The following MFHAS1 variants were observed in gnomAD, a reference collection of about 807,000 sequenced individuals.
MFHAS1 encodes multifunctional ROCO family signaling regulator 1.
Under a neutral mutation model 70.4 loss-of-function variants are expected in MFHAS1, and 50 were observed. That is an observed-to-expected ratio of 0.71 (90% CI 0.57 to 0.90). MFHAS1 has a LOEUF of 0.90. Among genes scored for constraint, MFHAS1 ranks in the 40% least tolerant of loss-of-function variants. The probability of loss-of-function intolerance (pLI) is 0.00; values close to 1 mark genes in which losing one functional copy is unlikely to be tolerated. For missense variants in MFHAS1, 1,795 were observed against 1,347.6 expected (o/e 1.33, Z -5.20); for synonymous variants, 952 against 620.0 (o/e 1.54, Z -7.96).
intron 1 of MFHAS1, among the ~76,000 whole-genome samples, chr8:8,839,881 C>T (rs1585045249): frequency 2.0e-5 from 3 of 152,100 alleles, no homozygotes; most frequent in African/African-American, 7.2e-5. Context: ...CATGCCTGGA[C>T]TGTCTCAGAT....
At chr8:8,859,276 G>A (rs560082579) in intron 1 of MFHAS1, among the ~76,000 whole-genome samples, 2 of 152,316 alleles carry the variant, frequency 1.3e-5, no homozygotes, top group South Asian at 4.1e-4. Context: ...CCCAGGAGGT[G>A]GAAGTTGTAG....
intron 1 of MFHAS1, among the ~76,000 whole-genome samples, chr8:8,853,772 G>A (rs1427792166): frequency 1.3e-5 from 2 of 152,070 alleles, no homozygotes; most frequent in African/African-American, 4.8e-5. Context: ...CACTATGTTG[G>A]GCAGGCTAGT....
chr8:8,883,707 CAAAA>C (rs35799658), intron 1 of MFHAS1, among the ~76,000 whole-genome samples: 1 of 29,588 alleles, frequency 3.4e-5, no homozygotes, highest in Non-Finnish European at 6.2e-5. Context: ...GACTCAGTCT[CAAAA>C]AAAAAAAAAA....
intron 2 of MFHAS1, among the ~76,000 whole-genome samples, chr8:8,787,268 GAT>G (rs1805582315): frequency 6.6e-6 from 1 of 152,066 alleles, no homozygotes; most frequent in East Asian, 1.9e-4. Flanking sequence ...TTTTAGTAGA[GAT>G]GGGGTTTCAC....
At chr8:8,852,976 T>C (rs1031285290) in intron 1 of MFHAS1, among the ~76,000 whole-genome samples, 4 of 152,188 alleles carry the variant, frequency 2.6e-5, no homozygotes, top group Non-Finnish European at 5.9e-5. Context: ...GAGTCCTACT[T>C]TGTGGCTGGG....
intron 1 of MFHAS1, among the ~76,000 whole-genome samples, chr8:8,875,372 T>C (rs1020963366): frequency 2.0e-5 from 3 of 152,254 alleles, no homozygotes; most frequent in Non-Finnish European, 4.4e-5. Flanking sequence ...TGTACTATTA[T>C]GCAAGCATTT....
Position 8,890,745 on chromosome 8 carries a change from G to C in MFHAS1, c.2314C>G (p.Arg772Gly), listed in dbSNP as rs777896379. The C allele has an allele frequency of 6.2e-7, 1 of 1,613,650 alleles. No individual in the cohort carries two copies. The highest frequency in any genetic ancestry group is 1.7e-5 in the Admixed American group (1 of 60,006). ...AEGESSPPMA[R>G]STPSQELLRA... ...AGCAGTTCCTGGCTGGGGGTGGACC[G>C]CGCCATGGGCGGGGAGCTTTCCCCC... Residue 772 changes from arginine (R) to glycine (G), a missense_variant, in exon 1 of 3, where the codon CGG (arginine) becomes GGG (glycine). Transcript: ENST00000276282.
chr8:8,874,842 T>C (rs1420866077), intron 1 of MFHAS1, among the ~76,000 whole-genome samples: 1 of 151,220 alleles, frequency 6.6e-6, no homozygotes, highest in Admixed American at 6.6e-5. Flanking sequence ...GCCTTAAGTA[T>C]GATAGACAAA....
intron 1 of MFHAS1, among the ~76,000 whole-genome samples, chr8:8,812,900 G>T (rs868344585): frequency 6.6e-6 from 1 of 152,134 alleles, no homozygotes; most frequent in South Asian, 2.1e-4. Flanking sequence ...CTGAGTAGCT[G>T]GGGTTACAGG....
At position 8,878,456 on chromosome 8, in the gene MFHAS1, A is replaced by C. The variant is rs114239046; in HGVS notation, c.2998+11605T>G. 7.0e-3 allele frequency among the ~76,000 whole-genome samples: 1,059 copies of C among 152,306 alleles called. 17 individuals are homozygous for C. The highest frequency in any genetic ancestry group is 0.025 in the African/African-American group (1,020 of 41,558). On this transcript the variant is annotated intron_variant, in intron 1 of 2. Transcript: ENST00000276282. ...TTAGCACTGTCTCTGCAACATGAGA[A>C]AACGTCAACATTGTCACCTCTTCTA... is the stretch of plus-strand genomic sequence containing the variant.
At chr8:8,786,575 A>C (rs1157378138) in intron 2 of MFHAS1, among the ~76,000 whole-genome samples, 1 of 152,236 alleles carries the variant, frequency 6.6e-6, no homozygotes, top group Non-Finnish European at 1.5e-5. Flanking sequence ...TAGAATGAAT[A>C]AACTACTGCA....
At position 8,797,428 on chromosome 8, in the gene MFHAS1, C is replaced by G; in HGVS notation, c.3062G>C (p.Ser1021Thr). ...AACCAAGGCAACATTTACTCGCTCG[C>G]TGCCGTTCTTGGGGCAAATGATCTC... Reference protein sequence around the residue: ...VAEIICPKNGSERVNVALVYP... With the variant: ...VAEIICPKNGTERVNVALVYP... Residue 1021 changes from serine (S) to threonine (T), a missense_variant, in exon 2 of 3, where the codon AGC becomes ACC. Physicochemically the swap from Ser to Thr is moderately conservative, Grantham distance 58 (BLOSUM62 1). Coordinates refer to ENST00000276282, the MANE Select transcript of MFHAS1 (RefSeq NM_004225.3). 6.2e-7 allele frequency: 1 copy of G among 1,614,140 alleles called. No homozygotes were observed. The highest frequency in any genetic ancestry group is 8.5e-7 in the Non-Finnish European group (1 of 1,180,014).
At chr8:8,790,086 C>T (rs1286746188) in intron 2 of MFHAS1, among the ~76,000 whole-genome samples, 1 of 152,092 alleles carries the variant, frequency 6.6e-6, no homozygotes, top group Non-Finnish European at 1.5e-5. Flanking sequence ...CTTTTTTGAA[C>T]AAGGATCTAA....
intron 1 of MFHAS1, among the ~76,000 whole-genome samples, chr8:8,823,520 C>G (rs1247905585): frequency 6.6e-6 from 1 of 152,064 alleles, no homozygotes; most frequent in African/African-American, 2.4e-5. Flanking sequence ...TCTCTTCGAG[C>G]TTTAAATAGT....
chr8:8,835,340 C>T (rs1428029940), intron 1 of MFHAS1, among the ~76,000 whole-genome samples: 4 of 152,078 alleles, frequency 2.6e-5, no homozygotes. Context: ...AAGTTTAAAA[C>T]ACACATTCCT....
chr8:8,838,407 C>G (rs935232035), intron 1 of MFHAS1, among the ~76,000 whole-genome samples: 1 of 152,118 alleles, frequency 6.6e-6, no homozygotes, highest in African/African-American at 2.4e-5. Context: ...AACTATACAT[C>G]ATTAAAAAAA....
chr8:8,834,020 G>T (rs997558965), intron 1 of MFHAS1, among the ~76,000 whole-genome samples: 1 of 152,126 alleles, frequency 6.6e-6, no homozygotes, highest in Non-Finnish European at 1.5e-5. Context: ...CAGCTACTCA[G>T]GAGGTTGAGG....
chr8:8,864,675 T>A (rs1808791628), intron 1 of MFHAS1, among the ~76,000 whole-genome samples: 1 of 152,180 alleles, frequency 6.6e-6, no homozygotes, highest in South Asian at 2.1e-4. Flanking sequence ...CCAGACACTT[T>A]TGAAATGTAT....
chr8:8,856,593 G>C (rs1010189346), intron 1 of MFHAS1, among the ~76,000 whole-genome samples: 3 of 151,994 alleles, frequency 2.0e-5, no homozygotes, highest in African/African-American at 4.8e-5. Context: ...CTCTAAATTG[G>C]GAAATTAGCT....
Sources: allele counts gnomAD v4.1 joint callset (sites outside exome capture counted in the v4.1 genomes callset), GRCh38; gene constraint gnomAD v4.1.1; transcripts MANE v1.5; gene names NCBI Gene and HGNC (gene_info 2026-07-23, HGNC 2026-07-21).